Variants in PDE11A observed in about 807,000 individuals in gnomAD.
The protein encoded by PDE11A is phosphodiesterase 11A, also known as dual 3',5'-cyclic-AMP and -GMP phosphodiesterase 11A.
In PDE11A, 100 loss-of-function variants were observed where a neutral mutation model predicts 100.5. The observed-to-expected ratio is 1.00, with a 90% CI of 0.85 to 1.18. PDE11A has a LOEUF of 1.18. PDE11A is among the 50% of genes most tolerant of loss of function. The pLI, the probability that PDE11A is intolerant of heterozygous loss-of-function variation, is 0.00. For synonymous variants in PDE11A, 381 were observed against 420.8 expected, an observed-to-expected ratio of 0.91 and a Z score of 1.16; for missense variants, 1,141 against 1,152.6, an observed-to-expected ratio of 0.99 and a Z score of 0.15.
chr2:177,631,670 T>C (rs190020925), intron 19 of PDE11A, among the ~76,000 whole-genome samples: 10,007 of 141,726 alleles, frequency 0.071, 909 homozygotes, highest in African/African-American at 0.22. Flanking sequence ...TATATACACA[T>C]ATATATATGG....
At chr2:178,090,382 C>A (rs1354031853) in intron 2 of PDE11A, among the ~76,000 whole-genome samples, 1 of 152,160 alleles carries the variant, frequency 6.6e-6, no homozygotes, top group Non-Finnish European at 1.5e-5. Context: ...TTATTTTGCT[C>A]TAAGGTAAAC....
chr2:177,879,820 T>C (rs2105701777), intron 4 of PDE11A, among the ~76,000 whole-genome samples: 1 of 152,280 alleles, frequency 6.6e-6, no homozygotes, highest in Admixed American at 6.5e-5. Flanking sequence ...GACAGGATGT[T>C]TGAACTCTTG....
intron 5 of PDE11A, among the ~76,000 whole-genome samples, chr2:177,845,803 TGGATCACTTGC>T (rs2083586278): frequency 6.6e-6 from 1 of 152,086 alleles, no homozygotes; most frequent in African/African-American, 2.4e-5. Context: ...CCGAGGCTGG[TGGATCACTTGC>T]GGTTAGGGGC....
At chr2:177,833,234 G>C (rs956965754) in intron 6 of PDE11A, among the ~76,000 whole-genome samples, 3 of 152,132 alleles carry the variant, frequency 2.0e-5, no homozygotes, top group Non-Finnish European at 4.4e-5. Flanking sequence ...TTATCATACT[G>C]CTGGGTCCTA....
Position 177,877,634 on chromosome 2 carries a change from A to T in PDE11A, c.1303-1711T>A, listed in dbSNP as rs1033118430. Among the ~76,000 whole-genome samples, 6 of 152,286 alleles carry T rather than the reference A, an allele frequency of 3.9e-5. No homozygotes were observed. In the East Asian group the frequency reaches 1.2e-3, roughly 29 times the overall value. ...AAATTTCAGGGAGGGGATGGAAGAG[A>T]GTTCCATCTTGTACTTGTGAGGAGG... On this transcript the variant is annotated intron_variant, in intron 4 of 19. Transcript: ENST00000286063.
At chr2:177,696,844 G>T (rs2081118832) in intron 15 of PDE11A, among the ~76,000 whole-genome samples, 1 of 152,164 alleles carries the variant, frequency 6.6e-6, no homozygotes. Context: ...ATGGGAGGGT[G>T]CAATTTCCAG....
At chr2:177,927,921 A>G (rs911075377) in intron 2 of PDE11A, among the ~76,000 whole-genome samples, 1 of 152,048 alleles carries the variant, frequency 6.6e-6, no homozygotes, top group Admixed American at 6.6e-5. Flanking sequence ...CCTGACCAAC[A>G]TGGAGAAACC....
chr2:177,740,574 T>A (rs1008990870), intron 10 of PDE11A, among the ~76,000 whole-genome samples: 3 of 152,208 alleles, frequency 2.0e-5, no homozygotes, highest in African/African-American at 4.8e-5. Context: ...CAAGGTCACA[T>A]AACTAGAAAA....
At chr2:177,890,848 T>C (rs1380565332) in intron 4 of PDE11A, among the ~76,000 whole-genome samples, 1 of 152,182 alleles carries the variant, frequency 6.6e-6, no homozygotes, top group Non-Finnish European at 1.5e-5. Flanking sequence ...GAAAATGTAA[T>C]CTCATTTATG....
chr2:177,680,006 T>C (rs1411388658), intron 16 of PDE11A, among the ~76,000 whole-genome samples: 1 of 152,090 alleles, frequency 6.6e-6, no homozygotes, highest in African/African-American at 2.4e-5. Flanking sequence ...TGAGGACAGC[T>C]ACAGAGGGTG....
intron 10 of PDE11A, among the ~76,000 whole-genome samples, chr2:177,767,271 A>T (rs889382588): frequency 1.3e-5 from 2 of 152,158 alleles, no homozygotes; most frequent in African/African-American, 4.8e-5. Context: ...TGGAGGTTGC[A>T]GTAAGCTGAG....
intron 9 of PDE11A, among the ~76,000 whole-genome samples, chr2:177,775,015 G>A (rs927930226): frequency 6.6e-6 from 1 of 152,168 alleles, no homozygotes; most frequent in Non-Finnish European, 1.5e-5. Flanking sequence ...GTGATGCAAT[G>A]TAAGAAAGAC....
At chr2:177,958,650 A>T (rs991901068) in intron 2 of PDE11A, among the ~76,000 whole-genome samples, 1 of 152,240 alleles carries the variant, frequency 6.6e-6, no homozygotes. Flanking sequence ...CTAAAACCTC[A>T]AGGTGAATTT....
At position 177,623,577 on chromosome 2, in the gene PDE11A, CA is replaced by C. The variant is rs1418619788; in HGVS notation, c.*5829del. On this transcript the variant is annotated 3_prime_UTR_variant, in exon 20 of 20. Transcript: ENST00000286063. ...TCAACAAAACTTAGCCTCCTATTTC[CA>C]ATGTTATTTTTAAAATTTCATCTAA... 5.3e-5 allele frequency: 8 copies of C among 152,178 alleles called. No homozygotes were observed. The highest frequency in any genetic ancestry group is 1.7e-4 in the African/African-American group (7 of 41,430). 9.4% of individuals were successfully genotyped at this position (152,178 alleles called of 1,614,324 possible).
intron 2 of PDE11A, among the ~76,000 whole-genome samples, chr2:177,938,993 AG>A (rs1490464139): frequency 6.6e-6 from 1 of 152,220 alleles, no homozygotes; most frequent in African/African-American, 2.4e-5. Context: ...AGGCCTTAGA[AG>A]CAACAACCAT....
Position 177,727,123 on chromosome 2 carries a change from G to T in PDE11A, c.2043+535C>A, listed in dbSNP as rs185345219. ...TGAAACAGACTGGCCACCATCACTG[G>T]GTTAAAACCCCACGGGACGAGATTT... On this transcript the variant is annotated intron_variant, in intron 12 of 19. Coordinates refer to ENST00000286063, the MANE Select transcript of PDE11A (RefSeq NM_016953.4). 2.0e-5 allele frequency among the ~76,000 whole-genome samples: 3 copies of T among 151,974 alleles called. No homozygotes were observed. In the South Asian group the frequency reaches 6.2e-4, roughly 32 times the overall value.
At chr2:177,822,004 T>C (rs1558955890) in intron 6 of PDE11A, among the ~76,000 whole-genome samples, 1 of 152,088 alleles carries the variant, frequency 6.6e-6, no homozygotes, top group East Asian at 1.9e-4. Flanking sequence ...CTCTGCAAGA[T>C]ATATGTATTA....
intron 10 of PDE11A, among the ~76,000 whole-genome samples, chr2:177,731,767 G>C (rs2081694780): frequency 6.6e-6 from 1 of 152,158 alleles, no homozygotes; most frequent in Admixed American, 6.5e-5. Flanking sequence ...GTGGGGAGGA[G>C]TCTATGGTAT....
At chr2:177,977,816 C>A (rs1337276702) in intron 2 of PDE11A, among the ~76,000 whole-genome samples, 4 of 139,032 alleles carry the variant, frequency 2.9e-5, no homozygotes, top group African/African-American at 1.1e-4. Flanking sequence ...GAAAAACAAG[C>A]AATGGGGAAA....
Sources: allele counts gnomAD v4.1 joint callset (sites outside exome capture counted in the v4.1 genomes callset), GRCh38; gene constraint gnomAD v4.1.1; transcripts MANE v1.5; gene names NCBI Gene and HGNC (gene_info 2026-07-23, HGNC 2026-07-21).